Variants in KMT2E observed in about 807,000 individuals in gnomAD.
KMT2E encodes the protein lysine methyltransferase 2E (inactive), also known as histone reader KMT2E.
A neutral mutation model predicts 184.6 loss-of-function variants in KMT2E; 30 were observed. The observed-to-expected ratio is 0.16, with a 90% CI of 0.12 to 0.22. The LOEUF (loss-of-function observed/expected upper bound fraction) is 0.22, where lower values mean the gene tolerates loss of function less well. Ranked by LOEUF, KMT2E falls within the 10% of genes least tolerant of loss-of-function variation. The pLI, the probability that KMT2E is intolerant of heterozygous loss-of-function variation, is 1.00. For missense variants in KMT2E, 2,023 were observed against 2,237.4 expected (o/e 0.90, Z 1.93); for synonymous variants, 815 against 776.5 (o/e 1.05, Z -0.82).
intron 3 of KMT2E, among the ~76,000 whole-genome samples, chr7:105,060,084 C>T (rs528092915): frequency 1.6e-3 from 221 of 139,616 alleles, no homozygotes; most frequent in Non-Finnish European, 2.5e-3. Flanking sequence ...CAACCTCTGC[C>T]ACCTGGGTTC....
intron 1 of KMT2E, among the ~76,000 whole-genome samples, chr7:105,032,258 A>G (rs1193913109): frequency 6.6e-6 from 1 of 151,662 alleles, no homozygotes; most frequent in African/African-American, 2.4e-5. Context: ...AGCCTGGCCA[A>G]CATGGTGAAA....
intron 3 of KMT2E, among the ~76,000 whole-genome samples, chr7:105,046,004 T>G (rs1213446330): frequency 6.6e-6 from 1 of 152,140 alleles, no homozygotes; most frequent in East Asian, 1.9e-4. Flanking sequence ...TGTCATCTAC[T>G]TCTATAGCTT....
intron 1 of KMT2E, among the ~76,000 whole-genome samples, chr7:105,014,947 T>C (rs1794649105): frequency 6.6e-6 from 1 of 152,154 alleles, no homozygotes; most frequent in Non-Finnish European, 1.5e-5. Context: ...GTTCAGGTGC[T>C]GAAAAGCCAT....
chr7:105,099,475 A>G (rs943878431), intron 15 of KMT2E, among the ~76,000 whole-genome samples: 3 of 152,192 alleles, frequency 2.0e-5, no homozygotes, highest in African/African-American at 7.2e-5. Context: ...CTGACTATAA[A>G]TTAGCTGTAG....
chr7:105,063,272 G>A (rs1380475800), intron 4 of KMT2E, 79 bp from the exon 5 acceptor site: 4 of 1,042,324 alleles, frequency 3.8e-6, no homozygotes, highest in Non-Finnish European at 5.6e-6. Flanking sequence ...ATTAAGGGTT[G>A]AATTTTATTT....
chr7:105,049,035 T>G (rs1340278019), intron 3 of KMT2E, among the ~76,000 whole-genome samples: 1 of 152,154 alleles, frequency 6.6e-6, no homozygotes, highest in Non-Finnish European at 1.5e-5. Context: ...AAATTTAGAT[T>G]GTCCTAAAGA....
intron 6 of KMT2E, among the ~76,000 whole-genome samples, chr7:105,071,592 ATATATATATATATATATTTTTTT>A (rs1797303597): frequency 2.0e-4 from 11 of 54,310 alleles, no homozygotes; most frequent in East Asian, 1.4e-3. Context: ...GTATATATAT[ATATATATATATATATATTTTTTT>A]TTTTTTTTTT....
intron 19 of KMT2E, 107 bp from the exon 20 acceptor site, chr7:105,106,415 G>T: frequency 9.2e-7 from 1 of 1,088,784 alleles, no homozygotes; most frequent in East Asian, 2.5e-5. Context: ...TGGGGTAAAA[G>T]TCATAACTGC....
chr7:105,111,129 A>G (rs1799237736), intron 26 of KMT2E: 2 of 388,360 alleles, frequency 5.1e-6, no homozygotes, highest in South Asian at 4.9e-5. Context: ...TTCCACCTCT[A>G]TTCTAGTGGT....
chr7:105,087,298 A>AATATATATG (rs1397050129), intron 13 of KMT2E, among the ~76,000 whole-genome samples: 7 of 147,552 alleles, frequency 4.7e-5, no homozygotes, highest in African/African-American at 1.7e-4. Flanking sequence ...TAATATATAT[A>AATATATATG]ATATATAAAT....
chr7:105,026,428 A>C (rs985681118), intron 1 of KMT2E, among the ~76,000 whole-genome samples: 1 of 152,188 alleles, frequency 6.6e-6, no homozygotes, highest in Non-Finnish European at 1.5e-5. Context: ...AATACTATAG[A>C]TTAATTTAGT....
chr7:105,060,430 T>G (rs1032329271), intron 3 of KMT2E, among the ~76,000 whole-genome samples: 7 of 151,986 alleles, frequency 4.6e-5, no homozygotes, highest in African/African-American at 1.7e-4. Flanking sequence ...CTGTACATGT[T>G]TTTTTCTCTT....
chr7:105,088,917 C>T (rs546411888), intron 13 of KMT2E, among the ~76,000 whole-genome samples: 41 of 152,222 alleles, frequency 2.7e-4, no homozygotes, highest in African/African-American at 7.9e-4. Context: ...TAAAGAAACC[C>T]GGTTGTTGCT....
chr7:105,035,249 G>A (rs35780942), intron 1 of KMT2E, among the ~76,000 whole-genome samples: 26,743 of 151,196 alleles, frequency 0.18, 3,032 homozygotes, highest in East Asian at 0.58. Context: ...AGCCAGGATG[G>A]TCTCGATCTC....
intron 2 of KMT2E, among the ~76,000 whole-genome samples, 190 bp from the exon 3 acceptor site, chr7:105,040,649 G>C (rs1210312040): frequency 6.6e-6 from 1 of 152,148 alleles, no homozygotes; most frequent in Non-Finnish European, 1.5e-5. Context: ...CATTCCCTCA[G>C]AAAGATTGTG....
chr7:105,051,617 TTTTTGTTTTG>T lies in KMT2E; in HGVS notation c.72-10536_72-10527del, dbSNP rs556269616. The stretch of plus-strand genomic sequence containing the variant: ...GTACTGGGTCCTCCTTCAAAGTATA[TTTTTGTTTTG>T]TTTTGTTTTGAAATGGAGTCTTGCT... On this transcript the variant is annotated intron_variant, in intron 3 of 26. Coordinates refer to ENST00000311117, the MANE Select transcript of KMT2E (RefSeq NM_182931.3). Among the ~76,000 whole-genome samples the T allele has an allele frequency of 8.3e-3, 1,268 of 151,974 alleles. 13 individuals carry two copies. The highest frequency in any genetic ancestry group is 0.029 in the African/African-American group (1,213 of 41,458).
At chr7:105,074,023 A>G (rs1292215145) in intron 7 of KMT2E, among the ~76,000 whole-genome samples, 1 of 152,226 alleles carries the variant, frequency 6.6e-6, no homozygotes, top group African/African-American at 2.4e-5. Context: ...CATGTAGAAT[A>G]GTACATCTTT....
chr7:105,060,324 A>G (rs1334710700), intron 3 of KMT2E, among the ~76,000 whole-genome samples: 5 of 152,072 alleles, frequency 3.3e-5, no homozygotes, highest in Admixed American at 6.5e-5. Context: ...GTTTCAGTCA[A>G]CACCAGACCA....
Position 105,040,169 on chromosome 7 carries a change from A to G in KMT2E, c.-114-670A>G, listed in dbSNP as rs142519239. Among the ~76,000 whole-genome samples the G allele has an allele frequency of 3.1e-3, 479 of 152,348 alleles. 5 individuals carry two copies. The highest frequency in any genetic ancestry group is 0.01 in the African/African-American group (416 of 41,594). On this transcript the variant is annotated intron_variant, in intron 2 of 26. Coordinates refer to ENST00000311117, the MANE Select transcript of KMT2E (RefSeq NM_182931.3). ...CAGTAATCAAATTTTTACAAATAACATAGTTTCCCTTACATACAGATGCAA... is the reference window on the plus strand; with the variant it reads ...CAGTAATCAAATTTTTACAAATAACGTAGTTTCCCTTACATACAGATGCAA...
Sources: gnomAD v4.1 joint callset for allele counts (sites outside exome capture counted in the v4.1 genomes callset) on GRCh38, gnomAD v4.1.1 for gene constraint, MANE v1.5 for transcripts, NCBI Gene and HGNC (gene_info 2026-07-23, HGNC 2026-07-21) for gene names.